Variants in TLL2 observed in about 807,000 individuals in gnomAD.
TLL2 encodes tolloid like 2.
In TLL2, 106 loss-of-function variants were observed where a neutral mutation model predicts 123.0. The ratio of observed to expected loss-of-function variants is 0.86; its 90% CI spans 0.74 to 1.01. TLL2 has a LOEUF of 1.01. TLL2 is among the 50% of genes least tolerant of loss of function. The pLI, the probability that TLL2 is intolerant of heterozygous loss-of-function variation, is 0.00. For missense variants in TLL2, 1,332 were observed against 1,336.7 expected (o/e 1.00, Z 0.06); for synonymous variants, 494 against 516.8 (o/e 0.96, Z 0.60).
Position 96,442,582 on chromosome 10 carries a change from T to C in TLL2, c.364+3509A>G, listed in dbSNP as rs75585745. Among the ~76,000 whole-genome samples the C allele has an allele frequency of 1.0e-3, 156 of 152,260 alleles. 2 individuals carry two copies. In the East Asian group the frequency reaches 0.028, roughly 27 times the overall value. On this transcript the variant is annotated intron_variant, in intron 3 of 20. Coordinates refer to ENST00000357947, the MANE Select transcript of TLL2 (RefSeq NM_012465.4). ...GTAATGCAGAGTGAAGGGACTGGCCTAGCCTGCACATTCCTTATCCGCTTC... is the reference window on the plus strand; with the variant it reads ...GTAATGCAGAGTGAAGGGACTGGCCCAGCCTGCACATTCCTTATCCGCTTC...
At chr10:96,389,354 C>T (rs980021187) in intron 13 of TLL2, among the ~76,000 whole-genome samples, 3 of 152,178 alleles carry the variant, frequency 2.0e-5, no homozygotes, top group Non-Finnish European at 4.4e-5. Flanking sequence ...AGCAGAGTTG[C>T]TTTCAAATTT....
chr10:96,480,527 CCAAA>C, intron 1 of TLL2, 68 bp from the exon 2 acceptor site: 16 of 1,267,132 alleles, frequency 1.3e-5, no homozygotes, highest in Admixed American at 1.7e-5. Flanking sequence ...CACTAATGCC[CCAAA>C]GGGCATTGGG....
At chr10:96,382,275 C>T (rs1400254934) in intron 16 of TLL2, among the ~76,000 whole-genome samples, 4 of 152,346 alleles carry the variant, frequency 2.6e-5, no homozygotes, top group Admixed American at 1.3e-4. Context: ...GTGATCCACC[C>T]GCCTTGGCCT....
chr10:96,401,528 A>G (rs1242593796), intron 10 of TLL2, among the ~76,000 whole-genome samples: 5 of 150,964 alleles, frequency 3.3e-5, no homozygotes, highest in South Asian at 2.1e-4. Flanking sequence ...ACACACACGC[A>G]CACACACAGT....
At chr10:96,405,435 C>T (rs1846440653) in intron 9 of TLL2, 101 bp from the exon 10 acceptor site, 1 of 1,016,146 alleles carries the variant, frequency 9.8e-7, no homozygotes, top group East Asian at 2.4e-5. Flanking sequence ...CTTTAGCATG[C>T]AGAACTTTCA....
intron 2 of TLL2, among the ~76,000 whole-genome samples, chr10:96,471,560 T>C (rs1407748459): frequency 6.6e-6 from 1 of 152,204 alleles, no homozygotes; most frequent in African/African-American, 2.4e-5. Flanking sequence ...CCTGCGGGTA[T>C]TACTGTTATT....
chr10:96,435,336 T>C (rs1846786532), intron 3 of TLL2, among the ~76,000 whole-genome samples: 1 of 152,186 alleles, frequency 6.6e-6, no homozygotes, highest in Non-Finnish European at 1.5e-5. Flanking sequence ...TGTTGTGTTA[T>C]AATTAGTCTT....
chr10:96,480,431 A>G lies in TLL2; in HGVS notation c.204T>C (p.Asp68=). 1 of 1,614,178 alleles carries G rather than the reference A, an allele frequency of 6.2e-7. No homozygotes were observed. The highest frequency in any genetic ancestry group is 8.5e-7 in the Non-Finnish European group (1 of 1,180,028). ...AAVFWGDIAL[D]EDDLKLFHID... is the part of the protein sequence containing the mutation. ...TGTGAAACAGCTTCAAGTCATCTTC[A>G]TCTAAGGCAATGTCTCCCCAAAAGA... The change falls in exon 2 of 21, where the codon GAT becomes GAC. Residue 68 remains aspartate (D), a synonymous_variant. Transcript: ENST00000357947.
At chr10:96,394,328 C>T (rs1052285214) in intron 13 of TLL2, among the ~76,000 whole-genome samples, 1 of 152,202 alleles carries the variant, frequency 6.6e-6, no homozygotes, top group Non-Finnish European at 1.5e-5. Flanking sequence ...AGGCCCAATG[C>T]AGTGGGGAGC....
chr10:96,369,687 G>A (rs1281851484), intron 20 of TLL2, among the ~76,000 whole-genome samples: 1 of 151,048 alleles, frequency 6.6e-6, no homozygotes, highest in Non-Finnish European at 1.5e-5. Flanking sequence ...CATGAACTCA[G>A]GAGGCAGAGG....
chr10:96,444,385 A>G (rs1846876064), intron 3 of TLL2, among the ~76,000 whole-genome samples: 1 of 152,256 alleles, frequency 6.6e-6, no homozygotes, highest in Non-Finnish European at 1.5e-5. Flanking sequence ...TATCAGTAAT[A>G]TCTACTCAAA....
At chr10:96,418,414 C>A (rs74151317) in intron 7 of TLL2, among the ~76,000 whole-genome samples, 1,763 of 152,274 alleles carry the variant, frequency 0.012, 33 homozygotes, top group African/African-American at 0.04. Flanking sequence ...ATTCACCTTA[C>A]TAAAGTAGCC....
At chr10:96,418,925 A>G (rs1846593257) in intron 7 of TLL2, among the ~76,000 whole-genome samples, 1 of 151,998 alleles carries the variant, frequency 6.6e-6, no homozygotes, top group Non-Finnish European at 1.5e-5. Flanking sequence ...ACAAGACCCA[A>G]GGAAAAAGCT....
intron 15 of TLL2, among the ~76,000 whole-genome samples, chr10:96,385,700 C>G (rs1846227675): frequency 6.6e-6 from 1 of 152,196 alleles, no homozygotes; most frequent in African/African-American, 2.4e-5. Flanking sequence ...TCTGTAGCAT[C>G]CTTGTCCCTA....
At chr10:96,428,552 T>C (rs1846701359) in intron 5 of TLL2, 79 bp downstream of exon 5, 1 of 906,302 alleles carries the variant, frequency 1.1e-6, no homozygotes, top group Non-Finnish European at 1.8e-6. Context: ...TTGGAAATAC[T>C]TAGGTTTACA....
intron 2 of TLL2, among the ~76,000 whole-genome samples, chr10:96,462,832 A>G (rs752835940): frequency 2.3e-4 from 35 of 152,220 alleles, no homozygotes; most frequent in Non-Finnish European, 4.6e-4. Flanking sequence ...GCACTTCAGC[A>G]CTATACTTGG....
intron 3 of TLL2, among the ~76,000 whole-genome samples, chr10:96,440,718 A>C (rs1441775943): frequency 6.6e-6 from 1 of 152,220 alleles, no homozygotes. Flanking sequence ...TCTTAAGTGC[A>C]CCTGGAAAGA....
rs551017968 is a variant in TLL2, at chr10:96,375,343, G to A, written c.2448+1349C>T. On this transcript the variant is annotated intron_variant, in intron 18 of 20. Coordinates refer to ENST00000357947, the MANE Select transcript of TLL2 (RefSeq NM_012465.4). The stretch of plus-strand genomic sequence containing the variant: ...TAGCGAAAAGCGCGCAATCAATATA[G>A]CCACCATCCGTTTCCCAAGGGAACG... The A allele has an allele frequency of 1.4e-4, 22 of 152,272 alleles. 1 individual carries two copies. Among genetic ancestry groups the A allele is most frequent in the Admixed American group, 9.2e-4 (14 of 15,298 alleles). 9.4% of individuals were successfully genotyped at this position (152,272 alleles called of 1,614,324 possible).
chr10:96,396,308 G>C (rs551102224), intron 11 of TLL2, among the ~76,000 whole-genome samples: 6 of 152,296 alleles, frequency 3.9e-5, no homozygotes, highest in African/African-American at 1.2e-4. Flanking sequence ...TGGAAGCTGG[G>C]GCCACACTCC....
Sources: allele counts gnomAD v4.1 joint callset (sites outside exome capture counted in the v4.1 genomes callset), GRCh38; gene constraint gnomAD v4.1.1; transcripts MANE v1.5; gene names NCBI Gene and HGNC (gene_info 2026-07-23, HGNC 2026-07-21).